AOPEP: variants seen among roughly 807,000 people sequenced by gnomAD.
AOPEP encodes the protein aminopeptidase O.
A neutral mutation model predicts 98.1 loss-of-function variants in AOPEP; 77 were observed. The ratio of observed to expected loss-of-function variants is 0.78; its 90% CI spans 0.65 to 0.95. The LOEUF (loss-of-function observed/expected upper bound fraction) is 0.95. Ranked by LOEUF, AOPEP falls within the 40% of genes least tolerant of loss-of-function variation. The pLI is 0.00. For missense variants in AOPEP, 1,024 were observed against 1,024.7 expected (o/e 1.00, Z 0.01); for synonymous variants, 346 against 365.3 (o/e 0.95, Z 0.60).
At chr9:94,968,530 C>T (rs1241641891) in intron 10 of AOPEP, among the ~76,000 whole-genome samples, 2 of 151,704 alleles carry the variant, frequency 1.3e-5, no homozygotes, top group African/African-American at 4.8e-5. Context: ...GGGTGTGCCA[C>T]CACACCCCAC....
intron 1 of AOPEP, among the ~76,000 whole-genome samples, chr9:94,746,741 C>T (rs931991892): frequency 6.6e-6 from 1 of 152,176 alleles, no homozygotes; most frequent in African/African-American, 2.4e-5. Context: ...TCAACAAAGC[C>T]AGAGTCAACA....
At position 95,080,698 on chromosome 9, in the gene AOPEP, G is replaced by T; in HGVS notation, c.2237G>T (p.Arg746Leu). 6.2e-7 allele frequency: 1 copy of T among 1,612,996 alleles called. No individual in the cohort carries two copies. Among genetic ancestry groups the T allele is most frequent in the Non-Finnish European group, 8.5e-7 (1 of 1,179,672 alleles). ...YHLQDQDAEV[R>L]HRWCELIVKH... is the part of the protein sequence containing the mutation. ...GGCTCTCTCTTGTTCCTCCAGGTTC[G>T]CCATCGGTGGTGTGAACTCATTGTT... The change falls in exon 15 of 17, where the codon CGC (arginine) becomes CTC (leucine). Residue 746 changes from arginine to leucine, a missense_variant. Transcript: ENST00000375315.
chr9:94,758,092 G>A (rs1033966537), intron 1 of AOPEP, among the ~76,000 whole-genome samples: 13 of 152,170 alleles, frequency 8.5e-5, no homozygotes, highest in African/African-American at 2.9e-4. Flanking sequence ...AGTGGGGGAG[G>A]GAGCAAGGAC....
chr9:94,896,589 C>T (rs1376632698), intron 5 of AOPEP, among the ~76,000 whole-genome samples: 1 of 152,168 alleles, frequency 6.6e-6, no homozygotes, highest in African/African-American at 2.4e-5. Context: ...GATGAGAACG[C>T]ACTTTATATC....
At chr9:94,852,824 T>G (rs1480015962) in intron 5 of AOPEP, among the ~76,000 whole-genome samples, 4 of 152,248 alleles carry the variant, frequency 2.6e-5, no homozygotes, top group Non-Finnish European at 5.9e-5. Flanking sequence ...TGTTAATCAC[T>G]TTGTCTTGGC....
chr9:94,749,149 A>C (rs895244483), intron 1 of AOPEP, among the ~76,000 whole-genome samples: 1 of 152,214 alleles, frequency 6.6e-6, no homozygotes, highest in African/African-American at 2.4e-5. Context: ...AATTTAAACA[A>C]ATGATTACTT....
At chr9:95,054,919 G>A (rs755066278) in intron 13 of AOPEP, among the ~76,000 whole-genome samples, 1 of 151,968 alleles carries the variant, frequency 6.6e-6, no homozygotes, top group African/African-American at 2.4e-5. Flanking sequence ...ATTATTTGGT[G>A]GCTTCCTTTG....
intron 13 of AOPEP, among the ~76,000 whole-genome samples, chr9:95,027,146 C>T (rs1011500755): frequency 7.2e-5 from 11 of 152,202 alleles, no homozygotes; most frequent in Middle Eastern, 3.4e-3. Context: ...CCTGTGGTTC[C>T]AGCTACTTGG....
chr9:94,869,840 C>G (rs2046119040), intron 5 of AOPEP, among the ~76,000 whole-genome samples: 1 of 152,114 alleles, frequency 6.6e-6, no homozygotes, highest in Middle Eastern at 3.4e-3. Context: ...TTACTTTTTA[C>G]AGTTTGTAAT....
Position 94,924,113 on chromosome 9 carries a change from G to A in AOPEP, c.1492G>A (p.Glu498Lys). 6.6e-7 allele frequency: 1 copy of A among 1,508,730 alleles called. No homozygotes were observed. Among genetic ancestry groups the A allele is most frequent in the African/African-American group, 1.4e-5 (1 of 71,366 alleles). The allele number at this position is 1,508,730 out of a possible 1,614,324, so 93.5% of individuals were successfully genotyped here. A position where few individuals can be genotyped will look rare whatever the true frequency, so the allele number is the denominator to read the frequency against. ...CATCGGGGCCCGAGACTGGACGGAG[G>A]AGTGGCTGAGTGAAGGCTTCGCCAC... ...LAIGARDWTE[E>K]WLSEGFATHL... The change falls in exon 6 of 17, where the codon GAG becomes AAG. Residue 498 changes from glutamate to lysine, a missense_variant. Glu to Lys is a moderately conservative substitution (Grantham distance 56). Coordinates refer to ENST00000375315, the MANE Select transcript of AOPEP (RefSeq NM_001193329.3).
chr9:94,806,872 G>A (rs934797354), intron 5 of AOPEP, among the ~76,000 whole-genome samples: 2 of 152,208 alleles, frequency 1.3e-5, no homozygotes, highest in Non-Finnish European at 2.9e-5. Flanking sequence ...CGGGTATTAA[G>A]AGGATATATA....
intron 5 of AOPEP, among the ~76,000 whole-genome samples, chr9:94,897,882 C>T (rs2049801017): frequency 2.0e-5 from 3 of 151,510 alleles, no homozygotes; most frequent in Admixed American, 1.3e-4. Context: ...CTCTGTCGCC[C>T]AGGCTGGAAT....
the AOPEP span, chr9:95,100,658 T>C: frequency 8.7e-6 from 2 of 229,276 alleles, no homozygotes; most frequent in Non-Finnish European, 1.7e-5. Context: ...TAAGAGATGG[T>C]CTCGCTCTGT....
At chr9:94,903,894 A>AAC (rs2050769228) in intron 5 of AOPEP, among the ~76,000 whole-genome samples, 1 of 147,710 alleles carries the variant, frequency 6.8e-6, no homozygotes, top group African/African-American at 2.6e-5. Context: ...ACTCTGTCTA[A>AAC]AAAAAAAAAA....
the AOPEP span, chr9:95,110,128 G>T: frequency 2.2e-6 from 1 of 452,192 alleles, no homozygotes; most frequent in Non-Finnish European, 2.9e-6. Flanking sequence ...AAAATCCTAG[G>T]CATCCCCTGA....
chr9:94,756,395 C>T lies in AOPEP; in HGVS notation c.-135-3254C>T, dbSNP rs117539174. Among the ~76,000 whole-genome samples, 13 of 152,030 alleles carry T rather than the reference C, an allele frequency of 8.6e-5. No homozygotes were observed. In the South Asian group the frequency reaches 2.7e-3, roughly 32 times the overall value. ...CCTGGGCAACATGGCAAGACCTCGTCTCTACAAAAATTTAAAAAGTTAGAT... is the reference window on the plus strand; with the variant it reads ...CCTGGGCAACATGGCAAGACCTCGTTTCTACAAAAATTTAAAAAGTTAGAT... On this transcript the variant is annotated intron_variant, in intron 1 of 16. Transcript: ENST00000375315.
At chr9:94,859,498 A>G (rs1270664832) in intron 5 of AOPEP, among the ~76,000 whole-genome samples, 1 of 152,196 alleles carries the variant, frequency 6.6e-6, no homozygotes, top group Non-Finnish European at 1.5e-5. Context: ...TATTAACTTC[A>G]TTACATCTGC....
At chr9:94,955,575 A>G (rs2058391587) in intron 8 of AOPEP, among the ~76,000 whole-genome samples, 1 of 152,232 alleles carries the variant, frequency 6.6e-6, no homozygotes, top group African/African-American at 2.4e-5. Flanking sequence ...GACATGGGTG[A>G]GAAGGAAGTG....
At chr9:95,110,991 A>C in the AOPEP span, 1 of 1,423,340 alleles carries the variant, frequency 7.0e-7, no homozygotes, top group Non-Finnish European at 9.2e-7. Context: ...AAATAAAGCC[A>C]GTAATGTGAG....
Sources: allele counts gnomAD v4.1 joint callset (sites outside exome capture counted in the v4.1 genomes callset), GRCh38; gene constraint gnomAD v4.1.1; transcripts MANE v1.5; gene names NCBI Gene and HGNC (gene_info 2026-07-23, HGNC 2026-07-21).